Variants in SETX observed in about 807,000 individuals in gnomAD.
SETX encodes the protein helicase senataxin.
A neutral mutation model predicts 227.2 loss-of-function variants in SETX; 90 were observed. The observed-to-expected ratio is 0.40, with a 90% CI of 0.33 to 0.47. The LOEUF (loss-of-function observed/expected upper bound fraction) is 0.47, where lower values mean the gene tolerates loss of function less well. SETX is among the 20% of genes least tolerant of loss of function. The pLI is 0.91. For synonymous variants in SETX, 1,210 were observed against 1,113.2 expected (o/e 1.09, Z -1.73); for missense variants, 3,052 against 3,181.5 (o/e 0.96, Z 0.98).
intron 4 of SETX, among the ~76,000 whole-genome samples, chr9:132,345,726 A>C (rs2131554552): frequency 1.3e-5 from 2 of 152,306 alleles, no homozygotes; most frequent in Non-Finnish European, 2.9e-5. Flanking sequence ...TTCACAATAA[A>C]ATGTTGAGAG....
intron 5 of SETX, among the ~76,000 whole-genome samples, chr9:132,341,237 T>G (rs1847940306): frequency 6.6e-6 from 1 of 151,962 alleles, no homozygotes; most frequent in Non-Finnish European, 1.5e-5. Context: ...AATATAATAA[T>G]AAAAAAAATT....
chr9:132,340,630 TACTGG>T (rs1318570867), intron 5 of SETX, among the ~76,000 whole-genome samples: 1 of 152,208 alleles, frequency 6.6e-6, no homozygotes, highest in Non-Finnish European at 1.5e-5. Context: ...TAGAAGACAC[TACTGG>T]GCTGTAATCC....
At chr9:132,265,695 G>A (rs1842613541) in intron 25 of SETX, among the ~76,000 whole-genome samples, 6 of 152,148 alleles carry the variant, frequency 3.9e-5, no homozygotes, top group Admixed American at 3.9e-4. Flanking sequence ...AATGGCTATT[G>A]TACTGAGCAG....
In SETX at chr9:132,329,824, T is replaced by C. The variant is rs758028013; in HGVS notation, c.1774A>G (p.Ile592Val). 1.2e-6 allele frequency: 2 copies of C among 1,614,048 alleles called. No individual in the cohort carries two copies. Among genetic ancestry groups the C allele is most frequent in the South Asian group, 1.1e-5 (1 of 91,062 alleles). ...GGTGCTTTGAATTTTATGTTTCTAA[T>C]AATTTGCTTTAAGCAACTTTGTAGC... Reference protein sequence around the residue: ...HELQSCLKQIIRNIKFKAPPC... With the variant: ...HELQSCLKQIVRNIKFKAPPC... Residue 592 changes from isoleucine (I) to valine (V), a missense_variant, in exon 10 of 26, where the codon ATT becomes GTT. By Grantham distance (29) the Ile-to-Val change is conservative. Coordinates refer to ENST00000224140, the MANE Select transcript of SETX (RefSeq NM_015046.7).
rs1846958567 is a variant in SETX at position 132,328,097 on chromosome 9, T to C, written c.3501A>G (p.Lys1167=). Residue 1167 remains lysine (K), a synonymous_variant, in exon 10 of 26, where the codon AAA becomes AAG. Transcript: ENST00000224140. ...GCCTCACAGGATCTTCAGCCATTGG[T>C]TTTTCAGATCGTTTTCTCTTAGGCT... ...VKKPKRKRSE[K]PMAEDPVRPS... 6.2e-7 allele frequency: 1 copy of C among 1,613,938 alleles called. No homozygotes were observed. The highest frequency in any genetic ancestry group is 1.3e-5 in the African/African-American group (1 of 74,872).
rs376107422 is a variant in SETX, at chr9:132,331,085, G to A, written c.1065C>T (p.Ile355=). 60 of 1,612,884 alleles carry A rather than the reference G, an allele frequency of 3.7e-5. No homozygotes were observed. Among genetic ancestry groups the A allele is most frequent in the African/African-American group, 1.3e-4 (10 of 74,874 alleles). The change falls in exon 9 of 26, where the codon ATC becomes ATT. Residue 355 remains isoleucine, a synonymous_variant. Transcript: ENST00000224140. The part of the protein sequence containing the change: ...YLDDMVTCSQ[I]VYNYNPEKTK... Reference sequence around the variant, plus strand: ...TCTTTTCAGGATTATAATTGTATACGATCTGGCTGCAAGTCACCATATCAT... The same window carrying A: ...TCTTTTCAGGATTATAATTGTATACAATCTGGCTGCAAGTCACCATATCAT...
intron 5 of SETX, among the ~76,000 whole-genome samples, chr9:132,342,289 C>T (rs917498144): frequency 3.3e-5 from 5 of 152,184 alleles, no homozygotes; most frequent in African/African-American, 1.2e-4. Context: ...CAGAATTTCC[C>T]AGTCTCCCTC....
chr9:132,305,279 G>A (rs1387340750), intron 11 of SETX, among the ~76,000 whole-genome samples: 5 of 149,026 alleles, frequency 3.4e-5, no homozygotes, highest in Admixed American at 1.3e-4. Flanking sequence ...GCGTGAACCC[G>A]GGAGGTGGAG....
intron 15 of SETX, among the ~76,000 whole-genome samples, chr9:132,295,664 A>C (rs1844624936): frequency 2.6e-5 from 4 of 152,184 alleles, no homozygotes. Flanking sequence ...TGTCTCCTTG[A>C]AGACTTCACT....
intron 11 of SETX, among the ~76,000 whole-genome samples, chr9:132,310,574 C>T (rs899052360): frequency 6.6e-6 from 1 of 152,206 alleles, no homozygotes; most frequent in African/African-American, 2.4e-5. Flanking sequence ...GATTTTAGGA[C>T]AGTTCTCATC....
chr9:132,288,120 G>T, intron 17 of SETX, 116 bp downstream of exon 17: 1 of 784,500 alleles, frequency 1.3e-6, no homozygotes, highest in Non-Finnish European at 2.2e-6. Flanking sequence ...AGGCTGCAGT[G>T]AGTCAGGATT....
intron 18 of SETX, 126 bp downstream of exon 18, chr9:132,286,297 G>C (rs1453271486): frequency 1.0e-5 from 7 of 702,848 alleles, no homozygotes; most frequent in Non-Finnish European, 1.2e-5. Context: ...CCCAGCCTGA[G>C]AGACAGAGTG....
chr9:132,347,663 C>T (rs2131564563), intron 3 of SETX, among the ~76,000 whole-genome samples: 1 of 150,338 alleles, frequency 6.7e-6, no homozygotes, highest in Admixed American at 6.6e-5. Context: ...TCCCTATCAA[C>T]TACATTCAAA....
chr9:132,331,504 A>G (rs1847233577), intron 7 of SETX, 56 bp from the exon 8 acceptor site: 3 of 1,556,688 alleles, frequency 1.9e-6, no homozygotes, highest in African/African-American at 2.7e-5. Flanking sequence ...AACATACTAC[A>G]ATATATTGAG....
chr9:132,296,557 T>C (rs186417353), intron 14 of SETX, among the ~76,000 whole-genome samples: 1 of 149,670 alleles, frequency 6.7e-6, no homozygotes, highest in African/African-American at 2.5e-5. Flanking sequence ...CGAGACACTG[T>C]CTCAAAAAAA....
chr9:132,344,871 A>T (rs1314377672), intron 4 of SETX, among the ~76,000 whole-genome samples: 1 of 1,676 alleles, frequency 6.0e-4, no homozygotes, highest in African/African-American at 1.6e-3. Context: ...AGACTCTTTA[A>T]AAAAAAAAAA....
At chr9:132,285,857 C>A (rs1213537611) in intron 18 of SETX, among the ~76,000 whole-genome samples, 47 of 124,952 alleles carry the variant, frequency 3.8e-4, no homozygotes, top group African/African-American at 1.4e-3. Context: ...TCCAGCCTGG[C>A]AACAGAGTGA....
intron 10 of SETX, among the ~76,000 whole-genome samples, chr9:132,321,794 G>T (rs1278436424): frequency 8.6e-5 from 13 of 152,038 alleles, no homozygotes; most frequent in South Asian, 2.1e-4. Context: ...GTTGCGGTGA[G>T]CCGAGATCGT....
upstream of SETX, among the ~76,000 whole-genome samples, chr9:132,355,282 CG>C (rs1179067258): frequency 3.3e-5 from 5 of 152,270 alleles, no homozygotes; most frequent in East Asian, 9.7e-4. Context: ...GGGGCGGCTC[CG>C]GGATGAGCTC....
Sources: gnomAD v4.1 joint callset for allele counts (sites outside exome capture counted in the v4.1 genomes callset) on GRCh38, gnomAD v4.1.1 for gene constraint, MANE v1.5 for transcripts, NCBI Gene and HGNC (gene_info 2026-07-23, HGNC 2026-07-21) for gene names.